Variants in RNF34 observed in about 807,000 individuals in gnomAD.
RNF34 encodes the protein E3 ubiquitin-protein ligase RNF34.
Under a neutral mutation model 37.9 loss-of-function variants are expected in RNF34, and 12 were observed. The observed-to-expected ratio is 0.32, with a 90% CI of 0.20 to 0.51. The LOEUF (loss-of-function observed/expected upper bound fraction) is 0.51, where lower values mean the gene tolerates loss of function less well. RNF34 is among the 20% of genes least tolerant of loss of function. The pLI, the probability that RNF34 is intolerant of heterozygous loss-of-function variation, is 0.97. For synonymous variants in RNF34, 155 were observed against 177.2 expected (o/e 0.87, Z 1.00); for missense variants, 362 against 472.7 (o/e 0.77, Z 2.17).
intron 1 of RNF34, among the ~76,000 whole-genome samples, chr12:121,400,875 G>A (rs1555279917): frequency 6.6e-6 from 1 of 152,140 alleles, no homozygotes; most frequent in East Asian, 1.9e-4. Context: ...AGAAGTTGAA[G>A]AAAAGGGGAA....
At chr12:121,415,284 C>T in intron 1 of RNF34, 1 of 379,658 alleles carries the variant, frequency 2.6e-6, no homozygotes, top group Non-Finnish European at 5.7e-6. Context: ...TATATTATAC[C>T]CAATTACAAA....
At position 121,400,211 on chromosome 12, in the gene RNF34, CCATGAAGGT is replaced by C. The variant is rs781801461; in HGVS notation, c.-1_6+2del. On this transcript the variant is annotated splice_donor_variant and coding_sequence_variant and 5_prime_UTR_variant, in exon 1 of 6. Coordinates refer to ENST00000361234, the MANE Select transcript of RNF34 (RefSeq NM_025126.4). LOFTEE classifies it high-confidence loss of function. Reference sequence around the variant, plus strand: ...GCCGGCCGAGCTGAGGCGGTCGCGGCCATGAAGGTGAGGGGCCGGTGGAGCCGGACAGAC... The same window carrying C: ...GCCGGCCGAGCTGAGGCGGTCGCGGCGAGGGGCCGGTGGAGCCGGACAGAC... The C allele has an allele frequency of 6.2e-7, 1 of 1,609,596 alleles. No homozygotes were observed. The highest frequency in any genetic ancestry group is 1.1e-5 in the South Asian group (1 of 90,690).
chr12:121,408,632 GATGAA>G (rs1173703342), intron 1 of RNF34, among the ~76,000 whole-genome samples: 1 of 152,244 alleles, frequency 6.6e-6, no homozygotes, highest in East Asian at 1.9e-4. Context: ...AGTACAGGAA[GATGAA>G]ACATACTAAA....
At chr12:121,405,632 C>T (rs782031315) in intron 1 of RNF34, among the ~76,000 whole-genome samples, 1 of 151,272 alleles carries the variant, frequency 6.6e-6, no homozygotes, top group Non-Finnish European at 1.5e-5. Context: ...TACAGGCATC[C>T]ACCACCATAC....
Position 121,417,395 on chromosome 12 carries a change from G to A in RNF34, c.226-109G>A. ...CCTCTGGAAATAGTCTGGTGCCACT[G>A]GGGACTTCACTAAGAACTAAAATTA... On this transcript the variant is annotated intron_variant, in intron 2 of 5. Coordinates refer to ENST00000361234, the MANE Select transcript of RNF34 (RefSeq NM_025126.4). This position sits in a 1 kb window ranked among gnomAD's most constrained non-coding sequence, Gnocchi z 5.0. 1 of 863,340 alleles carries A rather than the reference G, an allele frequency of 1.2e-6. No homozygotes were observed. The highest frequency in any genetic ancestry group is 1.8e-6 in the Non-Finnish European group (1 of 563,526). The allele number at this position is 863,340 out of a possible 1,614,324, so 53.5% of individuals were successfully genotyped here.
chr12:121,405,075 C>T lies in RNF34; in HGVS notation c.6+4857C>T, dbSNP rs187073342. On this transcript the variant is annotated intron_variant, in intron 1 of 5. Coordinates refer to ENST00000361234, the MANE Select transcript of RNF34 (RefSeq NM_025126.4). ...GAGAGAGTCCTTATAACCTTATTGGCTGGAAACTGTCATTCCTACTCTTAC... is the reference window on the plus strand; with the variant it reads ...GAGAGAGTCCTTATAACCTTATTGGTTGGAAACTGTCATTCCTACTCTTAC... 4.6e-5 allele frequency: 7 copies of T among 152,350 alleles called. No homozygotes were observed. The East Asian group carries it at 1.2e-3, about 25-fold the overall frequency. 9.4% of individuals were successfully genotyped at this position (152,350 alleles called of 1,614,324 possible). A position where few individuals can be genotyped will look rare whatever the true frequency, so the allele number is the denominator to read the frequency against.
chr12:121,410,548 A>G lies in RNF34; in HGVS notation c.7-5611A>G, dbSNP rs1221045349. On this transcript the variant is annotated intron_variant, in intron 1 of 5. Transcript: ENST00000361234. ...CAAGATTCTGTCTCAAAACCACCAA[A>G]AAAAAAAAAATGCTGGATGGGAAAA... Among the ~76,000 whole-genome samples, 7 of 150,302 alleles carry G rather than the reference A, an allele frequency of 4.7e-5. No individual in the cohort carries two copies. The East Asian group carries it at 1.2e-3, about 25-fold the overall frequency.
intron 1 of RNF34, among the ~76,000 whole-genome samples, chr12:121,412,891 A>AT (rs1199119319): frequency 6.8e-6 from 1 of 147,908 alleles, no homozygotes; most frequent in African/African-American, 2.5e-5. Context: ...CTATTTTTGT[A>AT]TTTTTAGTAG....
In RNF34 at chr12:121,423,316, C is replaced by T. The variant is rs569901935; in HGVS notation, c.929-70C>T. On this transcript the variant is annotated intron_variant, in intron 5 of 5. Transcript: ENST00000361234. This position sits in a 1 kb window ranked among gnomAD's most constrained non-coding sequence, Gnocchi z 4.3. ...CATTCAGCAGGTGGCTGCTCAGCTT[C>T]GGACTGGGAGGGTGGCTGGCTGACT... 4.0e-5 allele frequency: 52 copies of T among 1,309,734 alleles called. No homozygotes were observed. Among genetic ancestry groups the T allele is most frequent in the South Asian group, 2.4e-4 (17 of 70,558 alleles). 81.1% of individuals were successfully genotyped at this position (1,309,734 alleles called of 1,614,324 possible).
Position 121,417,104 on chromosome 12 carries a change from C to T in RNF34, c.226-400C>T, listed in dbSNP as rs936342111. Among the ~76,000 whole-genome samples the T allele has an allele frequency of 2.0e-5, 3 of 152,184 alleles. No homozygotes were observed. The highest frequency in any genetic ancestry group is 7.2e-5 in the African/African-American group (3 of 41,452). On this transcript the variant is annotated intron_variant, in intron 2 of 5. Coordinates refer to ENST00000361234, the MANE Select transcript of RNF34 (RefSeq NM_025126.4). The surrounding 1 kb of genome is among the most constrained non-coding windows in gnomAD (Gnocchi z 5.0). Reference sequence around the variant, plus strand: ...ATCAGTTGCCTTTCTCTTTCCCTGTCAGTCTGTTATGCTTTTTGTCTCCTG... The same window carrying T: ...ATCAGTTGCCTTTCTCTTTCCCTGTTAGTCTGTTATGCTTTTTGTCTCCTG...
Position 121,409,696 on chromosome 12 carries a change from A to G in RNF34, c.7-6463A>G, listed in dbSNP as rs576095104. 4.6e-5 allele frequency: 7 copies of G among 152,388 alleles called. No homozygotes were observed. In the South Asian group the frequency reaches 1.4e-3, roughly 32 times the overall value. 9.4% of individuals were successfully genotyped at this position (152,388 alleles called of 1,614,324 possible). A position where few individuals can be genotyped will look rare whatever the true frequency, so the allele number is the denominator to read the frequency against. On this transcript the variant is annotated intron_variant, in intron 1 of 5. Transcript: ENST00000361234. ...TGCCTGGTGAGTCCAACATGCAGCC[A>G]AGGCTGAAAACCATTCTCTTAAGGG...
intron 1 of RNF34, among the ~76,000 whole-genome samples, chr12:121,405,306 G>A (rs556724817): frequency 6.6e-6 from 1 of 152,242 alleles, no homozygotes; most frequent in South Asian, 2.1e-4. Context: ...AGTACTTTCT[G>A]GGACCTTCTC....
In RNF34 at chr12:121,416,241, C is replaced by G; in HGVS notation, c.89C>G (p.Ser30Ter). 1 of 1,614,074 alleles carries G rather than the reference C, an allele frequency of 6.2e-7. No individual in the cohort carries two copies. Among genetic ancestry groups the G allele is most frequent in the Non-Finnish European group, 8.5e-7 (1 of 1,180,014 alleles). The stretch of plus-strand genomic sequence containing the variant: ...ACTGGAGCTGTCAGGGGCCAGCAGT[C>G]AGCATTTGCAGGAGCCACCGGTCCA... ...MGTGAVRGQQSAFAGATGPFR... is the reference protein window; with the variant it reads ...MGTGAVRGQQ The change falls in exon 2 of 6, where the codon TCA (serine) becomes TGA (stop). Residue 30 changes from serine to a stop codon, truncating the protein, a stop_gained. Transcript: ENST00000361234. LOFTEE classifies it high-confidence loss of function.
At position 121,418,099 on chromosome 12, in the gene RNF34, G is replaced by A; in HGVS notation, c.633+188G>A. ...TATAGTGTCTGCTGAGGTGCTAGGT[G>A]GCTCCAAAGTCTGCTGTCTGAAGGG... On this transcript the variant is annotated intron_variant, in intron 3 of 5. Coordinates refer to ENST00000361234, the MANE Select transcript of RNF34 (RefSeq NM_025126.4). 3 of 636,152 alleles carry A rather than the reference G, an allele frequency of 4.7e-6. No individual in the cohort carries two copies. In the South Asian group the frequency reaches 6.1e-5, roughly 13 times the overall value. The allele number at this position is 636,152 out of a possible 1,614,324, so 39.4% of individuals were successfully genotyped here.
chr12:121,406,147 C>T (rs1275982210), intron 1 of RNF34, among the ~76,000 whole-genome samples: 2 of 152,046 alleles, frequency 1.3e-5, no homozygotes, highest in African/African-American at 4.8e-5. Flanking sequence ...GTTACTGGCT[C>T]CCTAAAATCT....
At chr12:121,414,032 G>A (rs1396966937) in intron 1 of RNF34, among the ~76,000 whole-genome samples, 2 of 152,120 alleles carry the variant, frequency 1.3e-5, no homozygotes, top group Admixed American at 6.5e-5. Flanking sequence ...CATTACTTCT[G>A]GGTAATAGCA....
At chr12:121,407,483 A>G (rs527296454) in intron 1 of RNF34, among the ~76,000 whole-genome samples, 1 of 152,320 alleles carries the variant, frequency 6.6e-6, no homozygotes, top group African/African-American at 2.4e-5. Context: ...GCAAATGCAG[A>G]AGCCAAAGGC....
At chr12:121,421,155 A>C (rs560795713) in intron 5 of RNF34, among the ~76,000 whole-genome samples, 154 of 152,188 alleles carry the variant, frequency 1.0e-3, no homozygotes, top group Middle Eastern at 3.4e-3. Flanking sequence ...CAGTAGGGGG[A>C]AAATTCCCTA....
intron 1 of RNF34, chr12:121,404,975 C>T (rs1203450255): frequency 6.6e-6 from 1 of 152,290 alleles, no homozygotes; most frequent in Non-Finnish European, 1.5e-5. Flanking sequence ...AGAAACAGAA[C>T]ACCTTTCCTC....
Sources: allele counts gnomAD v4.1 joint callset (sites outside exome capture counted in the v4.1 genomes callset), GRCh38; gene constraint gnomAD v4.1.1; non-coding constraint Gnocchi (gnomAD v3.1); transcripts MANE v1.5; gene names NCBI Gene and HGNC (gene_info 2026-07-23, HGNC 2026-07-21).